The following GDAP1 variants were observed in gnomAD, a reference collection of about 807,000 sequenced individuals.
GDAP1 encodes the protein ganglioside induced differentiation associated protein 1.
A neutral mutation model predicts 40.1 loss-of-function variants in GDAP1; 34 were observed. The observed-to-expected ratio is 0.85, with a 90% CI of 0.64 to 1.13. The LOEUF is 1.13. Ranked by LOEUF, GDAP1 falls within the 50% of genes most tolerant of loss-of-function variation. GDAP1 has a pLI of 0.00. For synonymous variants in GDAP1, 170 were observed against 157.4 expected (o/e 1.08, Z -0.60); for missense variants, 374 against 433.7 (o/e 0.86, Z 1.22).
intron 2 of GDAP1, among the ~76,000 whole-genome samples, chr8:74,439,056 G>GTA (rs780078920): frequency 4.5e-4 from 68 of 151,248 alleles, no homozygotes; most frequent in Non-Finnish European, 7.8e-4. Context: ...GTGTGTGTGT[G>GTA]TATATAACTT....
chr8:74,456,167 G>C (rs748257186), intron 2 of GDAP1, among the ~76,000 whole-genome samples: 2 of 151,758 alleles, frequency 1.3e-5, no homozygotes, highest in Non-Finnish European at 2.9e-5. Context: ...GCAATTTTTA[G>C]TATTGCAAAA....
At chr8:74,363,917 C>A in intron 5 of GDAP1, 68 bp from the exon 6 acceptor site, 1 of 1,378,216 alleles carries the variant, frequency 7.3e-7, no homozygotes, top group Non-Finnish European at 1.0e-6. Context: ...GGTGAGACCA[C>A]TGATACCAGC....
chr8:74,471,429 A>C (rs1217396863), intron 2 of GDAP1, among the ~76,000 whole-genome samples: 4 of 141,962 alleles, frequency 2.8e-5, no homozygotes, highest in African/African-American at 1.1e-4. Flanking sequence ...CTGTTTTCTA[A>C]ATCAGAGTAA....
intron 2 of GDAP1, among the ~76,000 whole-genome samples, chr8:74,465,375 T>A (rs1462509389): frequency 1.3e-5 from 2 of 152,162 alleles, no homozygotes; most frequent in East Asian, 3.8e-4. Flanking sequence ...CCCTTACCCC[T>A]TTCATGCAAT....
intron 2 of GDAP1, among the ~76,000 whole-genome samples, chr8:74,371,979 T>G (rs1302293564): frequency 1.4e-5 from 2 of 146,626 alleles, no homozygotes; most frequent in African/African-American, 5.0e-5. Flanking sequence ...CCAAGTGTTC[T>G]TATTGTTCAA....
chr8:74,375,607 G>A (rs1383601268), intron 2 of GDAP1, among the ~76,000 whole-genome samples: 1 of 152,126 alleles, frequency 6.6e-6, no homozygotes, highest in Non-Finnish European at 1.5e-5. Flanking sequence ...AGACATTCAG[G>A]ATACTAGAAA....
At position 74,435,772 on chromosome 8, in the gene GDAP1, T is replaced by C. The variant is rs1378948552; in HGVS notation, c.166-52906T>C. Among the ~76,000 whole-genome samples the C allele has an allele frequency of 2.0e-5, 3 of 152,216 alleles. No homozygotes were observed. The East Asian group carries it at 5.8e-4, about 29-fold the overall frequency. Reference sequence around the variant, plus strand: ...CTTCCTCCAAATATCATAAATCAACTCTTTGATTTCTCTTTACTTTTTCTT... The same window carrying C: ...CTTCCTCCAAATATCATAAATCAACCCTTTGATTTCTCTTTACTTTTTCTT... On this transcript the variant is annotated intron_variant, in intron 2 of 2. Coordinates refer to the GDAP1 transcript ENST00000523640.
chr8:74,377,609 A>C (rs867474802), intron 2 of GDAP1, among the ~76,000 whole-genome samples: 11 of 152,354 alleles, frequency 7.2e-5, no homozygotes, highest in Admixed American at 1.3e-4. Flanking sequence ...GGTAAAATTT[A>C]AAAGGCTGAC....
Position 74,360,287 on chromosome 8 carries a change from C to G in GDAP1, c.461C>G (p.Ala154Gly). Residue 154 changes from alanine (A) to glycine (G), a missense_variant, in exon 3 of 6, where the codon GCT (alanine) becomes GGT (glycine). Coordinates refer to ENST00000220822, the MANE Select transcript of GDAP1 (RefSeq NM_018972.4). ...TTAACTGTGGACTCCATGATCCCGG[C>G]TTATGCAACTACAAGGATTCGTAGT... The part of the protein sequence containing the change: ...PELTVDSMIP[A>G]YATTRIRSQI... The G allele has an allele frequency of 6.2e-7, 1 of 1,613,836 alleles. No individual in the cohort carries two copies. The highest frequency in any genetic ancestry group is 8.5e-7 in the Non-Finnish European group (1 of 1,179,762).
intron 2 of GDAP1, among the ~76,000 whole-genome samples, chr8:74,395,291 C>T (rs1563456666): frequency 2.0e-5 from 3 of 152,080 alleles, no homozygotes; most frequent in South Asian, 4.1e-4. Flanking sequence ...AGTTCAGGGA[C>T]CTGGTCCTGT....
intron 2 of GDAP1, among the ~76,000 whole-genome samples, chr8:74,407,341 AG>A (rs1805653425): frequency 6.7e-6 from 1 of 149,934 alleles, no homozygotes; most frequent in African/African-American, 2.5e-5. Flanking sequence ...GTGTTGCCAG[AG>A]GAAATTAACA....
chr8:74,466,936 C>T (rs181213787), intron 2 of GDAP1, among the ~76,000 whole-genome samples: 2 of 152,158 alleles, frequency 1.3e-5, no homozygotes, highest in Admixed American at 6.5e-5. Flanking sequence ...GATGCTGCTG[C>T]TGAAAGGGAA....
At chr8:74,439,899 A>AT (rs1806141784) in intron 2 of GDAP1, among the ~76,000 whole-genome samples, 1 of 151,866 alleles carries the variant, frequency 6.6e-6, no homozygotes, top group African/African-American at 2.4e-5. Context: ...TATATTTTCA[A>AT]TTTTTTTGTA....
Position 74,450,635 on chromosome 8 carries a change from T to TACTACAATGTAATAACATTGCCAAATA in GDAP1, c.166-38042_166-38041insCTACAATGTAATAACATTGCCAAATAA, listed in dbSNP as rs1307577531. Among the ~76,000 whole-genome samples, 488 of 89,222 alleles carry TACTACAATGTAATAACATTGCCAAATA rather than the reference T, an allele frequency of 5.5e-3. 57 individuals are homozygous for TACTACAATGTAATAACATTGCCAAATA. The highest frequency in any genetic ancestry group is 0.012 in the South Asian group (27 of 2,164). The allele number at this position is 89,222 out of a possible 152,430, so 58.5% of individuals were successfully genotyped here. A position where few individuals can be genotyped will look rare whatever the true frequency, so the allele number is the denominator to read the frequency against. ...TCCTTGGCTTAGCATTTGCCTGGAA[T>TACTACAATGTAATAACATTGCCAAATA]ATTCTTTCCATCTTTTTATGTTTTA... On this transcript the variant is annotated intron_variant, in intron 2 of 2. Transcript: ENST00000523640.
At chr8:74,384,345 G>C (rs1809995709) in intron 2 of GDAP1, among the ~76,000 whole-genome samples, 1 of 152,028 alleles carries the variant, frequency 6.6e-6, no homozygotes, top group South Asian at 2.1e-4. Context: ...TGGTTCCAGA[G>C]CCCATGCATG....
intron 2 of GDAP1, among the ~76,000 whole-genome samples, chr8:74,379,993 TGA>T (rs960408105): frequency 6.6e-6 from 1 of 152,204 alleles, no homozygotes; most frequent in Non-Finnish European, 1.5e-5. Context: ...TTTTGGATTT[TGA>T]TAGCAGAATA....
intron 2 of GDAP1, among the ~76,000 whole-genome samples, chr8:74,402,344 A>G (rs996111284): frequency 6.6e-6 from 1 of 150,452 alleles, no homozygotes; most frequent in African/African-American, 2.5e-5. Context: ...CCGTGGGCGT[A>G]GGACCCTCCG....
At chr8:74,415,302 T>A (rs1345266294) in intron 2 of GDAP1, among the ~76,000 whole-genome samples, 1 of 150,274 alleles carries the variant, frequency 6.7e-6, no homozygotes, top group African/African-American at 2.5e-5. Flanking sequence ...AATTTTAACA[T>A]CATTTTAAAA....
intron 2 of GDAP1, among the ~76,000 whole-genome samples, chr8:74,437,612 A>G (rs960262888): frequency 4.6e-5 from 7 of 152,060 alleles, no homozygotes; most frequent in African/African-American, 1.7e-4. Context: ...GTATGTTTTC[A>G]TTCATATATC....
Sources: gnomAD v4.1 joint callset for allele counts (sites outside exome capture counted in the v4.1 genomes callset) on GRCh38, gnomAD v4.1.1 for gene constraint, MANE v1.5 for transcripts, NCBI Gene and HGNC (gene_info 2026-07-23, HGNC 2026-07-21) for gene names.